Variants in DROSHA observed in about 807,000 individuals in gnomAD.
DROSHA encodes the protein drosha ribonuclease III.
In DROSHA, 56 loss-of-function variants were observed where a neutral mutation model predicts 181.9. That is an observed-to-expected ratio of 0.31 (90% CI 0.25 to 0.38). The LOEUF (loss-of-function observed/expected upper bound fraction) is 0.38. Among genes scored for constraint, DROSHA ranks in the 10% least tolerant of loss-of-function variants. The probability of loss-of-function intolerance (pLI) is 1.00; values close to 1 mark genes in which losing one functional copy is unlikely to be tolerated. For synonymous variants in DROSHA, 524 were observed against 591.2 expected, an observed-to-expected ratio of 0.89 and a Z score of 1.65; for missense variants, 1,218 against 1,743.5, an observed-to-expected ratio of 0.70 and a Z score of 5.37.
At chr5:31,447,424 A>G (rs1031381295) in intron 23 of DROSHA, among the ~76,000 whole-genome samples, 1 of 152,242 alleles carries the variant, frequency 6.6e-6, no homozygotes, top group African/African-American at 2.4e-5. Context: ...CAGAATCAAC[A>G]TAATGCCTAT....
intron 14 of DROSHA, among the ~76,000 whole-genome samples, chr5:31,486,190 T>C (rs146602166): frequency 7.2e-5 from 11 of 152,164 alleles, no homozygotes; most frequent in Non-Finnish European, 1.0e-4. Context: ...CCTCTGATAA[T>C]GGCCAGTAAC....
chr5:31,453,630 A>G lies in DROSHA; in HGVS notation c.2575-1990T>C, dbSNP rs1747293950. ...TTCCACATCTTGTTTTAGCTAACCT[A>G]CACTTTACTTCCTTGCTTCCTTTAA... On this transcript the variant is annotated intron_variant, in intron 20 of 35. Transcript: ENST00000344624. Among the ~76,000 whole-genome samples, 6 of 152,186 alleles carry G rather than the reference A, an allele frequency of 3.9e-5. No homozygotes were observed. In the South Asian group the frequency reaches 1.2e-3, roughly 32 times the overall value.
chr5:31,472,261 G>C (rs751314597), intron 16 of DROSHA, 29 bp from the exon 17 acceptor site: 18 of 1,550,780 alleles, frequency 1.2e-5, no homozygotes, highest in South Asian at 9.9e-5. Context: ...TGGAGAGAAG[G>C]GGAAAAATAA....
chr5:31,418,131 C>T (rs554944760), intron 30 of DROSHA, among the ~76,000 whole-genome samples: 1 of 152,262 alleles, frequency 6.6e-6, no homozygotes, highest in Admixed American at 6.5e-5. Context: ...TGAACACAAC[C>T]TTCAGATTCC....
At chr5:31,440,032 A>G (rs148082227) in intron 23 of DROSHA, among the ~76,000 whole-genome samples, 9 of 152,258 alleles carry the variant, frequency 5.9e-5, no homozygotes, top group African/African-American at 2.2e-4. Flanking sequence ...TTTCAAGGCC[A>G]TTCTTTATCT....
intron 10 of DROSHA, among the ~76,000 whole-genome samples, chr5:31,507,224 G>A (rs1473242563): frequency 6.6e-6 from 1 of 152,180 alleles, no homozygotes; most frequent in Non-Finnish European, 1.5e-5. Context: ...ACTTTGGAAG[G>A]CTGAGCCAGG....
intron 26 of DROSHA, among the ~76,000 whole-genome samples, chr5:31,430,614 T>C (rs1456271896): frequency 7.2e-5 from 11 of 152,172 alleles, no homozygotes; most frequent in African/African-American, 2.7e-4. Context: ...GAACAGGAAA[T>C]TGAATCATGT....
At chr5:31,510,795 G>A (rs1470390013) in intron 9 of DROSHA, among the ~76,000 whole-genome samples, 1 of 152,156 alleles carries the variant, frequency 6.6e-6, no homozygotes, top group Non-Finnish European at 1.5e-5. Context: ...CTCTCCAAGG[G>A]GCACCCTTGT....
At chr5:31,525,503 C>CAAAAAA (rs397970711) in intron 5 of DROSHA, among the ~76,000 whole-genome samples, 4 of 36,162 alleles carry the variant, frequency 1.1e-4, no homozygotes, top group Admixed American at 3.4e-4. Context: ...GATTCTGTCA[C>CAAAAAA]AAAAAAAAAA....
intron 17 of DROSHA, among the ~76,000 whole-genome samples, 196 bp from the exon 18 acceptor site, chr5:31,468,259 T>C (rs182648858): frequency 2.6e-5 from 4 of 152,380 alleles, no homozygotes; most frequent in Admixed American, 2.6e-4. Context: ...AATGAGCCTA[T>C]GCCATTTGGC....
At position 31,515,339 on chromosome 5, in the gene DROSHA, T is replaced by C. The variant is rs573398800; in HGVS notation, c.1058+115A>G. ...ATATGAATACCATGCCAAATCACCGTGTGTACTTTTGTTAAACCAGTGACT... is the reference window on the plus strand; with the variant it reads ...ATATGAATACCATGCCAAATCACCGCGTGTACTTTTGTTAAACCAGTGACT... On this transcript the variant is annotated intron_variant, in intron 7 of 35. Coordinates refer to ENST00000344624, the MANE Select transcript of DROSHA (RefSeq NM_001382508.1). The C allele has an allele frequency of 5.3e-5, 62 of 1,167,642 alleles. No individual in the cohort carries two copies. The East Asian group carries it at 1.4e-3, about 26-fold the overall frequency. The allele number at this position is 1,167,642 out of a possible 1,614,324, so 72.3% of individuals were successfully genotyped here.
chr5:31,456,195 C>T (rs1747636017), intron 20 of DROSHA, among the ~76,000 whole-genome samples: 1 of 152,120 alleles, frequency 6.6e-6, no homozygotes, highest in Admixed American at 6.6e-5. Flanking sequence ...TTGATAATGA[C>T]ATGATCTGAT....
At chr5:31,521,573 C>A (rs1367544493) in intron 5 of DROSHA, among the ~76,000 whole-genome samples, 1 of 152,054 alleles carries the variant, frequency 6.6e-6, no homozygotes, top group Non-Finnish European at 1.5e-5. Context: ...CTATTGATTT[C>A]TAAAAAATGC....
chr5:31,508,807 T>G (rs779639920), intron 9 of DROSHA, 32 bp from the exon 10 acceptor site: 8 of 1,580,672 alleles, frequency 5.1e-6, no homozygotes, highest in Non-Finnish European at 6.0e-6. Context: ...ATACAGAAAT[T>G]GATGGAATTA....
chr5:31,427,391 A>G (rs1289325297), intron 27 of DROSHA, among the ~76,000 whole-genome samples: 3 of 152,230 alleles, frequency 2.0e-5, no homozygotes, highest in African/African-American at 7.2e-5. Context: ...CTGAAAGAGT[A>G]AAACTCAGTT....
chr5:31,525,965 C>G, intron 5 of DROSHA, 114 bp downstream of exon 5: 1 of 1,059,554 alleles, frequency 9.4e-7, no homozygotes, highest in South Asian at 2.1e-5. Flanking sequence ...TGCTTCCTTT[C>G]CTTACATAAA....
chr5:31,457,870 G>T (rs917652507), intron 20 of DROSHA, among the ~76,000 whole-genome samples: 1 of 152,138 alleles, frequency 6.6e-6, no homozygotes, highest in African/African-American at 2.4e-5. Context: ...TCCAGCCTAG[G>T]TGACACAGCA....
chr5:31,407,366 C>T (rs1740773438), intron 33 of DROSHA, among the ~76,000 whole-genome samples: 1 of 152,222 alleles, frequency 6.6e-6, no homozygotes, highest in Non-Finnish European at 1.5e-5. Flanking sequence ...CAAGCCACAT[C>T]TGAATGCTTT....
In DROSHA at chr5:31,513,817, C is replaced by T. The variant is rs146806668; in HGVS notation, c.1290+1171G>A. ...TCATTAATTAAATGAATGAGATGTC[C>T]ACTCATTCATTTAATCAATGAACAT... On this transcript the variant is annotated intron_variant, in intron 8 of 35. Transcript: ENST00000344624. Among the ~76,000 whole-genome samples the T allele has an allele frequency of 1.8e-3, 270 of 152,244 alleles. 1 individual carries two copies. Among genetic ancestry groups the T allele is most frequent in the African/African-American group, 6.2e-3 (258 of 41,550 alleles).
Sources: gnomAD v4.1 joint callset for allele counts (sites outside exome capture counted in the v4.1 genomes callset) on GRCh38, gnomAD v4.1.1 for gene constraint, MANE v1.5 for transcripts, NCBI Gene and HGNC (gene_info 2026-07-23, HGNC 2026-07-21) for gene names.